SLC36A2: variants seen among roughly 807,000 people sequenced by gnomAD.
The protein encoded by SLC36A2 is solute carrier family 36 member 2.
A neutral mutation model predicts 42.7 loss-of-function variants in SLC36A2; 39 were observed. The ratio of observed to expected loss-of-function variants is 0.91; its 90% CI spans 0.71 to 1.19. SLC36A2 has a LOEUF of 1.19. SLC36A2 is among the 50% of genes most tolerant of loss of function. The probability of loss-of-function intolerance (pLI) is 0.00; values close to 1 mark genes in which losing one functional copy is unlikely to be tolerated. For missense variants in SLC36A2, 590 were observed against 613.7 expected (o/e 0.96, Z 0.41); for synonymous variants, 237 against 240.8 (o/e 0.98, Z 0.15).
At position 151,323,594 on chromosome 5, in the gene SLC36A2, G is replaced by C. The variant is rs547694456; in HGVS notation, c.1011-1379C>G. Among the ~76,000 whole-genome samples, 14 of 130,936 alleles carry C rather than the reference G, an allele frequency of 1.1e-4. 1 individual carries two copies. The South Asian group carries it at 3.2e-3, about 30-fold the overall frequency. The allele number at this position is 130,936 out of a possible 152,430, so 85.9% of individuals were successfully genotyped here. ...GTCCAACTGGGACCTGGACTCAGGTGTACCAGAGTGGTCCATGTTTGGATT... is the reference window on the plus strand; with the variant it reads ...GTCCAACTGGGACCTGGACTCAGGTCTACCAGAGTGGTCCATGTTTGGATT... On this transcript the variant is annotated intron_variant, in intron 8 of 9. Transcript: ENST00000335244.
chr5:151,326,356 G>T (rs1755850469), intron 7 of SLC36A2, among the ~76,000 whole-genome samples: 1 of 151,622 alleles, frequency 6.6e-6, no homozygotes, highest in Non-Finnish European at 1.5e-5. Flanking sequence ...CCTTCCAAAG[G>T]CATTTGGGTT....
intron 7 of SLC36A2, among the ~76,000 whole-genome samples, chr5:151,331,565 T>A (rs1026073726): frequency 6.6e-6 from 1 of 152,038 alleles, no homozygotes; most frequent in Non-Finnish European, 1.5e-5. Context: ...GTGATCCTTC[T>A]GCATCAGCCT....
intron 7 of SLC36A2, among the ~76,000 whole-genome samples, chr5:151,330,311 C>G (rs554514298): frequency 7.6e-4 from 116 of 151,796 alleles, no homozygotes; most frequent in African/African-American, 2.7e-3. Flanking sequence ...TGAAAGCAAC[C>G]AGAGAAAAAC....
intron 8 of SLC36A2, among the ~76,000 whole-genome samples, chr5:151,324,124 A>G (rs74554205): frequency 1.1e-4 from 17 of 152,226 alleles, no homozygotes; most frequent in East Asian, 7.7e-4. Flanking sequence ...ACAGATTCCA[A>G]TGGTCTTCCC....
intron 9 of SLC36A2, among the ~76,000 whole-genome samples, chr5:151,321,355 T>G (rs1289666500): frequency 1.1e-4 from 16 of 150,068 alleles, no homozygotes; most frequent in Non-Finnish European, 2.2e-4. Flanking sequence ...CTTTTTTTTT[T>G]TTTTTTTAAT....
chr5:151,340,218 A>AGAGGAGGAGGAAGGG (rs1561660996), intron 4 of SLC36A2, among the ~76,000 whole-genome samples: 1 of 120,432 alleles, frequency 8.3e-6, no homozygotes, highest in Non-Finnish European at 1.7e-5. Flanking sequence ...AGGAGGAGGG[A>AGAGGAGGAGGAAGGG]GAGGAGGAGG....
intron 9 of SLC36A2, among the ~76,000 whole-genome samples, chr5:151,318,206 T>C (rs1187362464): frequency 2.6e-5 from 4 of 152,032 alleles, no homozygotes; most frequent in Non-Finnish European, 5.9e-5. Flanking sequence ...ATCTTTATGC[T>C]ACCGAGGTGC....
At chr5:151,331,790 C>T (rs1033744876) in intron 7 of SLC36A2, among the ~76,000 whole-genome samples, 5 of 152,148 alleles carry the variant, frequency 3.3e-5, no homozygotes. Context: ...ATAATCCCCA[C>T]TACCTGGGAG....
At chr5:151,339,024 A>G in intron 5 of SLC36A2, 36 bp downstream of exon 5, 3 of 1,495,330 alleles carry the variant, frequency 2.0e-6, no homozygotes, top group South Asian at 1.1e-5. Context: ...GTCCTTGTCC[A>G]TCTTTTCCCC....
intron 5 of SLC36A2, among the ~76,000 whole-genome samples, chr5:151,336,451 C>T (rs568691295): frequency 6.8e-6 from 1 of 147,638 alleles, no homozygotes; most frequent in Non-Finnish European, 1.5e-5. Context: ...TGCTTAAATT[C>T]CCTCAATCTT....
At chr5:151,318,531 T>TAAA (rs1755583360) in intron 9 of SLC36A2, among the ~76,000 whole-genome samples, 3 of 135,226 alleles carry the variant, frequency 2.2e-5, no homozygotes, top group African/African-American at 8.7e-5. Flanking sequence ...AATATAATAA[T>TAAA]TATTTATAAA....
intron 7 of SLC36A2, among the ~76,000 whole-genome samples, chr5:151,332,159 G>A (rs534284079): frequency 5.9e-4 from 89 of 152,082 alleles, no homozygotes; most frequent in African/African-American, 2.1e-3. Flanking sequence ...GAACCACCGC[G>A]CCCGGCTCCA....
At chr5:151,345,208 G>T (rs946306609) in intron 1 of SLC36A2, among the ~76,000 whole-genome samples, 3 of 152,184 alleles carry the variant, frequency 2.0e-5, no homozygotes, top group Non-Finnish European at 4.4e-5. Flanking sequence ...GGGTTTACAC[G>T]TGCAACTTTA....
At position 151,343,595 on chromosome 5, in the gene SLC36A2, C is replaced by T. The variant is rs373407521; in HGVS notation, c.259G>A (p.Gly87Ser). The T allele has an allele frequency of 1.9e-5, 30 of 1,613,802 alleles. No individual in the cohort carries two copies. Among genetic ancestry groups the T allele is most frequent in the Non-Finnish European group, 2.5e-5 (29 of 1,179,964 alleles). Residue 87 changes from glycine to serine, a missense_variant, in exon 3 of 10, where the codon GGC (glycine) becomes AGC (serine). Transcript: ENST00000335244. ...LAVKNAGILM[G>S]PLSLLVMGFI... ...CCCATCACCAGCAGACTGAGTGGGC[C>T]CATCTGGAGGAAGGGGAGGCAAGGG...
At chr5:151,335,584 A>G in intron 5 of SLC36A2, 37 bp from the exon 6 acceptor site, 7 of 1,442,350 alleles carry the variant, frequency 4.9e-6, no homozygotes, top group Non-Finnish European at 6.8e-6. Context: ...GGGGGAGATG[A>G]TGAGTCTTCT....
At chr5:151,344,119 C>T in intron 2 of SLC36A2, 58 bp downstream of exon 2, 2 of 1,514,730 alleles carry the variant, frequency 1.3e-6, no homozygotes, top group South Asian at 2.3e-5. Context: ...TAGAGCCTCT[C>T]CTCTTACTTC....
intron 4 of SLC36A2, among the ~76,000 whole-genome samples, chr5:151,342,631 G>A (rs1756378748): frequency 6.6e-6 from 1 of 152,186 alleles, no homozygotes; most frequent in Admixed American, 6.5e-5. Flanking sequence ...CAGGGCCATA[G>A]GAGTAACTGG....
Position 151,342,952 on chromosome 5 carries a change from T to C in SLC36A2, c.376A>G (p.Thr126Ala), listed in dbSNP as rs1413784000. The change falls in exon 4 of 10, where the codon ACG (threonine) becomes GCG (alanine). Residue 126 changes from threonine (T) to alanine (A), a missense_variant. Transcript: ENST00000335244. Reference sequence around the variant, plus strand: ...TTGGCTTCTAGTCCATGCATCACCGTGTCCCCATAGTCCATAAAGGGCTTG... The same window carrying C: ...TTGGCTTCTAGTCCATGCATCACCGCGTCCCCATAGTCCATAAAGGGCTTG... Reference protein sequence around the residue: ...LNKPFMDYGDTVMHGLEANPN... With the variant: ...LNKPFMDYGDAVMHGLEANPN... 6.2e-7 allele frequency: 1 copy of C among 1,614,098 alleles called. No homozygotes were observed. Among genetic ancestry groups the C allele is most frequent in the Admixed American group, 1.7e-5 (1 of 60,014 alleles).
At chr5:151,328,741 G>T (rs989008254) in intron 7 of SLC36A2, among the ~76,000 whole-genome samples, 3 of 152,156 alleles carry the variant, frequency 2.0e-5, no homozygotes, top group Non-Finnish European at 2.9e-5. Context: ...TAATTTATGG[G>T]CCCCAGTACA....
Sources: allele counts gnomAD v4.1 joint callset (sites outside exome capture counted in the v4.1 genomes callset), GRCh38; gene constraint gnomAD v4.1.1; transcripts MANE v1.5; gene names NCBI Gene and HGNC (gene_info 2026-07-23, HGNC 2026-07-21).